Variants in RPP14 observed in about 807,000 individuals in gnomAD.
RPP14 encodes the protein ribonuclease P protein subunit p14.
In RPP14, 19 loss-of-function variants were observed where a neutral mutation model predicts 17.8. The observed-to-expected ratio is 1.07, with a 90% CI of 0.74 to 1.57. RPP14 has a LOEUF of 1.57. RPP14 is among the 40% of genes most tolerant of loss of function. The pLI, the probability that RPP14 is intolerant of heterozygous loss-of-function variation, is 0.00. For missense variants in RPP14, 125 were observed against 140.8 expected, an observed-to-expected ratio of 0.89 and a Z score of 0.57; for synonymous variants, 60 against 56.4, an observed-to-expected ratio of 1.06 and a Z score of -0.29.
Position 58,318,095 on chromosome 3 carries a change from T to A in RPP14, c.*599T>A. 1 of 667,662 alleles carries A rather than the reference T, an allele frequency of 1.5e-6. No homozygotes were observed. The highest frequency in any genetic ancestry group is 2.7e-6 in the Non-Finnish European group (1 of 371,932). 41.4% of individuals were successfully genotyped at this position (667,662 alleles called of 1,614,324 possible). On this transcript the variant is annotated 3_prime_UTR_variant, in exon 6 of 6. Transcript: ENST00000295959. ...GTTATGGAAGGCTGGGTTAAAGTTATGGTTCCAGAAGCTTCCAAATCCTGA... is the reference window on the plus strand; with the variant it reads ...GTTATGGAAGGCTGGGTTAAAGTTAAGGTTCCAGAAGCTTCCAAATCCTGA...
At chr3:58,310,196 G>A in intron 1 of RPP14, 113 bp from the exon 2 acceptor site, 1 of 735,108 alleles carries the variant, frequency 1.4e-6, no homozygotes, top group South Asian at 1.7e-5. Context: ...GACAGGGTGA[G>A]ACCCTGCCTT....
chr3:58,309,476 T>TA (rs2107499791), intron 1 of RPP14, among the ~76,000 whole-genome samples: 1 of 152,358 alleles, frequency 6.6e-6, no homozygotes, highest in South Asian at 2.1e-4. Context: ...ATTATGTTGT[T>TA]ATGTTTTAAG....
Position 58,317,473 on chromosome 3 carries a change from A to C in RPP14, c.352A>C (p.Ser118Arg), listed in dbSNP as rs1388422734. 1.9e-6 allele frequency: 3 copies of C among 1,598,348 alleles called. No individual in the cohort carries two copies. The highest frequency in any genetic ancestry group is 2.6e-6 in the Non-Finnish European group (3 of 1,166,862). ...SPFLLALSGN[S>R]RELVLD Reference sequence around the variant, plus strand: ...ATTTCTTCTTGCATTATCTGGTAATAGTAGGGAACTAGTATTGGATTGAAT... The same window carrying C: ...ATTTCTTCTTGCATTATCTGGTAATCGTAGGGAACTAGTATTGGATTGAAT... Residue 118 changes from serine to arginine, a missense_variant, in exon 6 of 6, where the codon AGT becomes CGT. Transcript: ENST00000295959.
chr3:58,317,044 C>A, intron 5 of RPP14, 51 bp downstream of exon 5: 1 of 1,307,420 alleles, frequency 7.6e-7, no homozygotes, highest in Non-Finnish European at 1.1e-6. Flanking sequence ...GATGGGTCAA[C>A]TGCTTCTTAA....
chr3:58,311,247 C>G (rs1052555670), intron 3 of RPP14, among the ~76,000 whole-genome samples: 5 of 152,188 alleles, frequency 3.3e-5, no homozygotes, highest in South Asian at 2.1e-4. Flanking sequence ...CTCTGCCTCC[C>G]AGATTCAAGG....
Position 58,317,433 on chromosome 3 carries a change from C to T in RPP14, c.319-7C>T, listed in dbSNP as rs747048867. The T allele has an allele frequency of 9.5e-6, 15 of 1,586,394 alleles. No homozygotes were observed. Among genetic ancestry groups the T allele is most frequent in the Non-Finnish European group, 8.6e-6 (10 of 1,157,022 alleles). On this transcript the variant is annotated splice_polypyrimidine_tract_variant and splice_region_variant and intron_variant, in intron 5 of 5. Transcript: ENST00000295959. ...CCAATGCCTTAACCTTTTTCTTTCT[C>T]TTCTAGGTTTCTCCATTTCTTCTTG...
chr3:58,316,777 AC>A, intron 4 of RPP14, 137 bp from the exon 5 acceptor site: 1 of 884,226 alleles, frequency 1.1e-6, no homozygotes, highest in Non-Finnish European at 1.8e-6. Context: ...GGCAAAACTT[AC>A]GATTTGGTTA....
chr3:58,316,822 C>A (rs769628438), intron 4 of RPP14, 93 bp from the exon 5 acceptor site: 294 of 1,161,868 alleles, frequency 2.5e-4, no homozygotes, highest in Non-Finnish European at 3.5e-4. Context: ...GTTATAGTTG[C>A]AAAGTCAGAA....
chr3:58,310,980 A>T (rs2097481598), intron 3 of RPP14, among the ~76,000 whole-genome samples: 1 of 135,890 alleles, frequency 7.4e-6, no homozygotes, highest in African/African-American at 2.8e-5. Flanking sequence ...AAAAAAAAAA[A>T]ATAAATTATA....
At chr3:58,317,051 T>C in intron 5 of RPP14, 58 bp downstream of exon 5, 1 of 1,213,144 alleles carries the variant, frequency 8.2e-7, no homozygotes, top group Non-Finnish European at 1.2e-6. Context: ...CAACTGCTTC[T>C]TAATATACAC....
chr3:58,314,077 G>A (rs566729285), intron 3 of RPP14, among the ~76,000 whole-genome samples: 3 of 152,254 alleles, frequency 2.0e-5, no homozygotes, highest in African/African-American at 4.8e-5. Context: ...CACATGGGGC[G>A]TGGTGGCTCA....
At chr3:58,307,184 A>T (rs1423517757) in intron 1 of RPP14, among the ~76,000 whole-genome samples, 1 of 152,212 alleles carries the variant, frequency 6.6e-6, no homozygotes, top group African/African-American at 2.4e-5. Flanking sequence ...CAGGACATGA[A>T]GTCAGAGGTG....
intron 1 of RPP14, among the ~76,000 whole-genome samples, chr3:58,308,681 G>A (rs1308140923): frequency 6.6e-6 from 1 of 152,184 alleles, no homozygotes; most frequent in Non-Finnish European, 1.5e-5. Context: ...ACCCAGAGTG[G>A]TTTTGAAATG....
chr3:58,317,139 C>G, intron 5 of RPP14, 146 bp downstream of exon 5: 1 of 649,970 alleles, frequency 1.5e-6, no homozygotes, highest in Non-Finnish European at 2.6e-6. Flanking sequence ...TTGATTGTTT[C>G]CAAAAATGTG....
chr3:58,310,158 G>A, intron 1 of RPP14, 151 bp from the exon 2 acceptor site: 1 of 610,862 alleles, frequency 1.6e-6, no homozygotes, highest in Non-Finnish European at 2.9e-6. Context: ...AGTGAACTCT[G>A]ATTGTACCAC....
At chr3:58,315,361 G>T (rs1232920763) in intron 3 of RPP14, among the ~76,000 whole-genome samples, 3 of 152,030 alleles carry the variant, frequency 2.0e-5, no homozygotes, top group Non-Finnish European at 4.4e-5. Flanking sequence ...AAAGGTTAGT[G>T]GTTGCTGGGG....
chr3:58,310,306 T>C lies in RPP14; in HGVS notation c.-21-3T>C. On this transcript the variant is annotated splice_polypyrimidine_tract_variant and splice_region_variant and intron_variant, in intron 1 of 5. Transcript: ENST00000295959. ...CATTTCTAGCCCTCTTGACTTACTG[T>C]AGGTGTGATCAGCACTGGAAAAGAT... The C allele has an allele frequency of 6.2e-7, 1 of 1,607,178 alleles. No homozygotes were observed. The highest frequency in any genetic ancestry group is 8.5e-7 in the Non-Finnish European group (1 of 1,173,712).
At chr3:58,307,281 G>A (rs1206394465) in intron 1 of RPP14, among the ~76,000 whole-genome samples, 1 of 152,214 alleles carries the variant, frequency 6.6e-6, no homozygotes, top group Non-Finnish European at 1.5e-5. Flanking sequence ...GGGAACCATA[G>A]CAAGATTTTG....
At chr3:58,314,736 G>A (rs2097486534) in intron 3 of RPP14, among the ~76,000 whole-genome samples, 1 of 137,564 alleles carries the variant, frequency 7.3e-6, no homozygotes, top group African/African-American at 2.7e-5. Context: ...CCGGGCTGGA[G>A]TGCAGTGGCA....
Sources: gnomAD v4.1 joint callset for allele counts (sites outside exome capture counted in the v4.1 genomes callset) on GRCh38, gnomAD v4.1.1 for gene constraint, MANE v1.5 for transcripts, NCBI Gene and HGNC (gene_info 2026-07-23, HGNC 2026-07-21) for gene names.